The following CSNK2A1 variants were observed in gnomAD, a reference collection of about 807,000 sequenced individuals.
CSNK2A1 encodes casein kinase 2 alpha 1.
Under a neutral mutation model 62.9 loss-of-function variants are expected in CSNK2A1, and 10 were observed. The observed-to-expected ratio is 0.16, with a 90% CI of 0.10 to 0.27. The LOEUF (loss-of-function observed/expected upper bound fraction) is 0.27, where lower values mean the gene tolerates loss of function less well. Among genes scored for constraint, CSNK2A1 ranks in the 10% least tolerant of loss-of-function variants. CSNK2A1 has a pLI of 1.00. For synonymous variants in CSNK2A1, 124 were observed against 167.8 expected, an observed-to-expected ratio of 0.74 and a Z score of 2.02; for missense variants, 160 against 492.0, an observed-to-expected ratio of 0.33 and a Z score of 6.38.
rs1290650816 is a variant in CSNK2A1 at position 477,746 on chromosome 20, C to T, written c.*6215G>A. The T allele has an allele frequency of 2.0e-5, 3 of 152,384 alleles. No homozygotes were observed. Among genetic ancestry groups the T allele is most frequent in the African/African-American group, 7.2e-5 (3 of 41,448 alleles). The allele number at this position is 152,384 out of a possible 1,614,324, so 9.4% of individuals were successfully genotyped here. ...GTGGCTCACGCCTGTAATCCCACCA[C>T]TTTGGGAGGCTTGGGCGGGCGGATC... On this transcript the variant is annotated 3_prime_UTR_variant, in exon 14 of 14. Transcript: ENST00000217244.
Position 489,765 on chromosome 20 carries a change from T to TATA in CSNK2A1, c.723+12_723+14dup. The TATA allele has an allele frequency of 6.2e-7, 1 of 1,606,936 alleles. No homozygotes were observed. The highest frequency in any genetic ancestry group is 8.5e-7 in the Non-Finnish European group (1 of 1,174,482). On this transcript the variant is annotated intron_variant, in intron 10 of 13. Coordinates refer to ENST00000217244, the MANE Select transcript of CSNK2A1 (RefSeq NM_177559.3). ...TTAGGCCAGTACATTTTTCAATGGG[T>TATA]ATAACATATATTACCTGATCATAAT...
intron 9 of CSNK2A1, among the ~76,000 whole-genome samples, chr20:490,931 T>G (rs905633033): frequency 8.6e-5 from 13 of 151,474 alleles, no homozygotes; most frequent in African/African-American, 3.1e-4. Flanking sequence ...TGTTAGCCCA[T>G]GGAGACCATC....
Position 478,429 on chromosome 20 carries a change from G to C in CSNK2A1, c.*5532C>G, listed in dbSNP as rs1190422211. ...GACTCTGATTCCCAGGGTGGGATCA[G>C]GAAGCCAGCCCCAGCTGCTGCAGCA... On this transcript the variant is annotated 3_prime_UTR_variant, in exon 14 of 14. Transcript: ENST00000217244. The C allele has an allele frequency of 4.3e-6, 1 of 234,276 alleles. No individual in the cohort carries two copies. Among genetic ancestry groups the C allele is most frequent in the African/African-American group, 2.4e-5 (1 of 41,826 alleles). The allele number at this position is 234,276 out of a possible 1,614,324, so 14.5% of individuals were successfully genotyped here. A position where few individuals can be genotyped will look rare whatever the true frequency, so the allele number is the denominator to read the frequency against.
chr20:503,345 G>A (rs1338483186), intron 4 of CSNK2A1: 1 of 396,836 alleles, frequency 2.5e-6, no homozygotes, highest in Non-Finnish European at 4.4e-6. Context: ...ACATGTCCTA[G>A]GTTAAAAGGA....
chr20:515,086 C>T (rs538594442), intron 2 of CSNK2A1, among the ~76,000 whole-genome samples: 1 of 152,118 alleles, frequency 6.6e-6, no homozygotes, highest in South Asian at 2.1e-4. Context: ...AATTTTTACT[C>T]TGGCTGAGTG....
In CSNK2A1 at chr20:495,726, T is replaced by C. The variant is rs777780010; in HGVS notation, c.503A>G (p.His168Arg). 6.2e-7 allele frequency: 1 copy of C among 1,613,738 alleles called. No homozygotes were observed. ...KPHNVMIDHEHRKLRLIDWGL... is the reference protein window; with the variant it reads ...KPHNVMIDHERRKLRLIDWGL... ...GTCAGCCTATCACTTTACCTTTCTG[T>C]GCTCATGATCAATCATGACATTATG... The change falls in exon 8 of 14, where the codon CAC becomes CGC. Residue 168 changes from histidine (H) to arginine (R), a missense_variant. This residue lies in a region of CSNK2A1 where 94 missense variants were observed against 357.6 expected (regional missense o/e 0.26). Transcript: ENST00000217244.
At chr20:508,330 G>A in intron 3 of CSNK2A1, 121 bp downstream of exon 3, 4 of 1,052,720 alleles carry the variant, frequency 3.8e-6, no homozygotes, top group Non-Finnish European at 5.2e-6. Context: ...AACACAAATT[G>A]GGCTTTGATC....
At chr20:496,085 T>C (rs910365978) in intron 7 of CSNK2A1, 19 of 349,412 alleles carry the variant, frequency 5.4e-5, no homozygotes, top group Non-Finnish European at 1.0e-4. Flanking sequence ...TTCAAATTTT[T>C]CTGTCTTGTC....
intron 2 of CSNK2A1, among the ~76,000 whole-genome samples, chr20:525,650 C>CAAAAAAA (rs59103809): frequency 1.6e-5 from 1 of 61,002 alleles, no homozygotes. Flanking sequence ...GACTCCATCT[C>CAAAAAAA]AAAAAAAAAA....
chr20:538,198 C>T (rs981255152), intron 1 of CSNK2A1, among the ~76,000 whole-genome samples: 2 of 152,138 alleles, frequency 1.3e-5, no homozygotes, highest in African/African-American at 4.8e-5. Flanking sequence ...CTGCCCACCT[C>T]GGCCTCTCAA....
chr20:539,953 T>A (rs2019412725), intron 1 of CSNK2A1: 1 of 152,128 alleles, frequency 6.6e-6, no homozygotes, highest in Non-Finnish European at 1.5e-5. Context: ...ATGGGCAAAA[T>A]GTAAAAGAAA....
chr20:532,836 A>T (rs2019240971), intron 1 of CSNK2A1, among the ~76,000 whole-genome samples: 1 of 152,202 alleles, frequency 6.6e-6, no homozygotes, highest in Non-Finnish European at 1.5e-5. Flanking sequence ...TTCGTCTGGA[A>T]GATCATCTAT....
intron 9 of CSNK2A1, among the ~76,000 whole-genome samples, chr20:491,655 A>G (rs1353556578): frequency 6.6e-6 from 1 of 152,068 alleles, no homozygotes; most frequent in African/African-American, 2.4e-5. Flanking sequence ...TGGGCAACAG[A>G]GCAAAACCCT....
At chr20:520,937 A>T (rs1234704033) in intron 2 of CSNK2A1, among the ~76,000 whole-genome samples, 1 of 152,170 alleles carries the variant, frequency 6.6e-6, no homozygotes, top group East Asian at 1.9e-4. Context: ...TCATGACTGT[A>T]TAATCCCAGG....
chr20:515,682 A>T (rs1489428721), intron 2 of CSNK2A1, among the ~76,000 whole-genome samples: 2 of 152,236 alleles, frequency 1.3e-5, no homozygotes, highest in African/African-American at 4.8e-5. Flanking sequence ...TAAGTTCTAC[A>T]AAGTTAAGAA....
At chr20:485,097 AAAAAAAAAAAAAAT>A (rs2018055231) in intron 13 of CSNK2A1, among the ~76,000 whole-genome samples, 1 of 36,596 alleles carries the variant, frequency 2.7e-5, no homozygotes, top group Non-Finnish European at 5.4e-5. Context: ...AAAAAAAAAA[AAAAAAAAAAAAAAT>A]ATATATATAT....
intron 2 of CSNK2A1, chr20:526,603 C>G (rs1483612362): frequency 6.6e-6 from 1 of 151,044 alleles, no homozygotes; most frequent in Non-Finnish European, 1.5e-5. Flanking sequence ...AGAGAAAGAC[C>G]CTGCCTCTGC....
chr20:525,727 C>T (rs1422367223), intron 2 of CSNK2A1, among the ~76,000 whole-genome samples: 4 of 148,432 alleles, frequency 2.7e-5, no homozygotes, highest in Non-Finnish European at 5.9e-5. Flanking sequence ...AATCCCAACA[C>T]TTTGGGAGGC....
intron 8 of CSNK2A1, among the ~76,000 whole-genome samples, chr20:493,091 C>T (rs1485955156): frequency 6.6e-6 from 1 of 152,170 alleles, no homozygotes; most frequent in Non-Finnish European, 1.5e-5. Flanking sequence ...CAAAACTAAA[C>T]CTTTGATTAC....
Sources: allele counts gnomAD v4.1 joint callset (sites outside exome capture counted in the v4.1 genomes callset), GRCh38; gene constraint gnomAD v4.1.1; regional missense constraint gnomAD v4.1.1; transcripts MANE v1.5; gene names NCBI Gene and HGNC (gene_info 2026-07-23, HGNC 2026-07-21).